ABLIM1: variants seen among roughly 807,000 people sequenced by gnomAD.
ABLIM1 encodes the protein actin-binding LIM protein 1.
In ABLIM1, 40 loss-of-function variants were observed where a neutral mutation model predicts 107.0. The observed-to-expected ratio is 0.37, with a 90% CI of 0.29 to 0.49. The LOEUF (loss-of-function observed/expected upper bound fraction) is 0.49. ABLIM1 is among the 20% of genes least tolerant of loss of function. ABLIM1 has a pLI of 0.97. For missense variants in ABLIM1, 857 were observed against 1,008.5 expected, an observed-to-expected ratio of 0.85 and a Z score of 2.04; for synonymous variants, 357 against 357.3, an observed-to-expected ratio of 1.00 and a Z score of 0.01.
At chr10:114,466,578 A>G (rs542807774) in intron 11 of ABLIM1, among the ~76,000 whole-genome samples, 1 of 152,238 alleles carries the variant, frequency 6.6e-6, no homozygotes, top group Admixed American at 6.5e-5. Flanking sequence ...CTGCTTCGGA[A>G]CCAGACTCCT....
intron 7 of ABLIM1, among the ~76,000 whole-genome samples, chr10:114,489,945 G>A (rs7899521): frequency 0.015 from 2,300 of 152,278 alleles, 54 homozygotes; most frequent in African/African-American, 0.053. Flanking sequence ...TTTGTGCACT[G>A]CTTGAAACCT....
intron 6 of ABLIM1, among the ~76,000 whole-genome samples, chr10:114,540,534 C>T (rs895792613): frequency 4.6e-5 from 7 of 152,064 alleles, no homozygotes; most frequent in African/African-American, 7.2e-5. Flanking sequence ...AGAGAGAACT[C>T]GAGGGCTGCT....
chr10:114,703,005 A>G (rs2081338050), intron 1 of ABLIM1, among the ~76,000 whole-genome samples: 1 of 152,188 alleles, frequency 6.6e-6, no homozygotes, highest in Non-Finnish European at 1.5e-5. Flanking sequence ...TTTTAAATAC[A>G]TAAACTTTGG....
intron 1 of ABLIM1, among the ~76,000 whole-genome samples, chr10:114,752,182 G>A (rs964892623): frequency 6.6e-6 from 1 of 152,134 alleles, no homozygotes; most frequent in Admixed American, 6.5e-5. Context: ...GTCTTCTGAG[G>A]TCATCTAAGG....
chr10:114,437,200 G>C (rs965284451), intron 22 of ABLIM1, among the ~76,000 whole-genome samples: 6 of 151,844 alleles, frequency 4.0e-5, no homozygotes, highest in Non-Finnish European at 8.8e-5. Context: ...ACTATCTCAA[G>C]AGAAATAGCG....
chr10:114,459,391 G>T (rs914351932), intron 12 of ABLIM1, among the ~76,000 whole-genome samples: 2 of 152,214 alleles, frequency 1.3e-5, no homozygotes, highest in African/African-American at 4.8e-5. Flanking sequence ...AATGGCCATA[G>T]GCTCCCCCCA....
intron 2 of ABLIM1, among the ~76,000 whole-genome samples, chr10:114,587,553 A>C (rs924069492): frequency 6.6e-6 from 1 of 152,184 alleles, no homozygotes; most frequent in Non-Finnish European, 1.5e-5. Context: ...TATTCTAATT[A>C]ATGTTTAAAG....
rs755451353 is a variant in ABLIM1, at chr10:114,657,907, C to T, written c.244+50G>A. 1.8e-5 allele frequency: 26 copies of T among 1,464,950 alleles called. No homozygotes were observed. In the African/African-American group the frequency reaches 2.2e-4, roughly 13 times the overall value. The allele number at this position is 1,464,950 out of a possible 1,614,324, so 90.7% of individuals were successfully genotyped here. A position where few individuals can be genotyped will look rare whatever the true frequency, so the allele number is the denominator to read the frequency against. On this transcript the variant is annotated intron_variant, in intron 1 of 22. Transcript: ENST00000533213. ...GATCTGGATAGTACTCTCTTAATTACGCCAATCACAAAACACAAAACCATG... is the reference window on the plus strand; with the variant it reads ...GATCTGGATAGTACTCTCTTAATTATGCCAATCACAAAACACAAAACCATG...
Position 114,728,516 on chromosome 10 carries a change from T to TAAA in ABLIM1, c.-213+39542_-213+39544dup, listed in dbSNP as rs10628347. Reference sequence around the variant, plus strand: ...ATAGTCATAAAATACGATAAGGCAGTAAAAAAAAAAAAAAAAAGAGTGAGC... The same window carrying TAAA: ...ATAGTCATAAAATACGATAAGGCAGTAAAAAAAAAAAAAAAAAAAAGAGTGAGC... On this transcript the variant is annotated intron_variant, in intron 1 of 15. Coordinates refer to the ABLIM1 transcript ENST00000651092. 7.6e-4 allele frequency among the ~76,000 whole-genome samples: 69 copies of TAAA among 90,628 alleles called. 5 individuals are homozygous for TAAA. The East Asian group carries it at 0.012, about 16-fold the overall frequency. The allele number at this position is 90,628 out of a possible 152,430, so 59.5% of individuals were successfully genotyped here.
chr10:114,635,372 C>A (rs958529281), intron 1 of ABLIM1, among the ~76,000 whole-genome samples: 30 of 152,212 alleles, frequency 2.0e-4, no homozygotes, highest in African/African-American at 7.2e-4. Context: ...AACAAGCAAC[C>A]CGGCAGAGTC....
At chr10:114,492,359 C>T (rs1158435279) in intron 6 of ABLIM1, among the ~76,000 whole-genome samples, 3 of 152,182 alleles carry the variant, frequency 2.0e-5, no homozygotes, top group African/African-American at 7.2e-5. Context: ...TAGTAAAATA[C>T]ATCATCCACT....
rs1332673308 is a variant in ABLIM1, at chr10:114,433,651, G to A, written c.*2609C>T. ...GGAAAGCAGGGTTTCATTAGTGGGAGCTGATTTAGGGTTCAGTTCTTTATC... is the reference window on the plus strand; with the variant it reads ...GGAAAGCAGGGTTTCATTAGTGGGAACTGATTTAGGGTTCAGTTCTTTATC... On this transcript the variant is annotated 3_prime_UTR_variant, in exon 23 of 23. Transcript: ENST00000533213. The A allele has an allele frequency of 6.6e-6, 1 of 152,202 alleles. No homozygotes were observed. Among genetic ancestry groups the A allele is most frequent in the Non-Finnish European group, 1.5e-5 (1 of 68,044 alleles). 9.4% of individuals were successfully genotyped at this position (152,202 alleles called of 1,614,324 possible). A position where few individuals can be genotyped will look rare whatever the true frequency, so the allele number is the denominator to read the frequency against.
intron 1 of ABLIM1, among the ~76,000 whole-genome samples, chr10:114,702,419 C>G (rs527991953): frequency 6.6e-6 from 1 of 151,580 alleles, no homozygotes; most frequent in Non-Finnish European, 1.5e-5. Context: ...ATAATTTCAA[C>G]GATAAAAGTG....
the ABLIM1 span, among the ~76,000 whole-genome samples, chr10:114,794,162 T>C: frequency 5.3e-3 from 813 of 152,338 alleles, 6 homozygotes; most frequent in African/African-American, 0.018. Context: ...TGCACTAGTC[T>C]TCCTCTCCGG....
At chr10:114,540,557 C>T (rs1169897584) in intron 6 of ABLIM1, among the ~76,000 whole-genome samples, 2 of 152,304 alleles carry the variant, frequency 1.3e-5, no homozygotes, top group East Asian at 3.9e-4. Context: ...AGGTTACATG[C>T]TAGTCCCTTT....
intron 5 of ABLIM1, among the ~76,000 whole-genome samples, chr10:114,546,433 G>A: frequency 6.6e-6 from 1 of 151,818 alleles, no homozygotes. Context: ...AGCTGGGGTT[G>A]CAGGTGCCCA....
intron 6 of ABLIM1, among the ~76,000 whole-genome samples, chr10:114,518,377 T>C (rs2063224818): frequency 6.6e-6 from 1 of 152,018 alleles, no homozygotes; most frequent in Non-Finnish European, 1.5e-5. Flanking sequence ...TGTACTTCTC[T>C]GAACCACATG....
chr10:114,576,710 CG>C (rs2072622700), intron 2 of ABLIM1, among the ~76,000 whole-genome samples: 1 of 152,126 alleles, frequency 6.6e-6, no homozygotes, highest in Admixed American at 6.5e-5. Flanking sequence ...CTACAAGCTA[CG>C]GAAGACGTTC....
chr10:114,438,160 G>C (rs375236212), intron 21 of ABLIM1, among the ~76,000 whole-genome samples: 1 of 152,178 alleles, frequency 6.6e-6, no homozygotes, highest in African/African-American at 2.4e-5. Context: ...CTGAGCCTTA[G>C]GGGGGCTTTG....
Sources: allele counts gnomAD v4.1 joint callset (sites outside exome capture counted in the v4.1 genomes callset), GRCh38; gene constraint gnomAD v4.1.1; transcripts MANE v1.5; gene names NCBI Gene and HGNC (gene_info 2026-07-23, HGNC 2026-07-21).